The following TCF4 variants were observed in gnomAD, a reference collection of about 807,000 sequenced individuals.
TCF4 encodes transcription factor 4.
In TCF4, 3 loss-of-function variants were observed where a neutral mutation model predicts 82.1. The ratio of observed to expected loss-of-function variants is 0.04; its 90% CI spans 0.02 to 0.09. TCF4 has a LOEUF of 0.09. Ranked by LOEUF, TCF4 falls within the 10% of genes least tolerant of loss-of-function variation. The pLI is 1.00. For synonymous variants in TCF4, 276 were observed against 309.6 expected (o/e 0.89, Z 1.14); for missense variants, 518 against 852.7 (o/e 0.61, Z 4.89).
chr18:55,239,581 T>C (rs145332415), intron 15 of TCF4, among the ~76,000 whole-genome samples: 99 of 152,328 alleles, frequency 6.5e-4, no homozygotes, highest in Non-Finnish European at 1.1e-3. Context: ...CATATATAGA[T>C]AGAGGAAAAT....
chr18:55,575,228 C>T (rs2097517517), intron 3 of TCF4, among the ~76,000 whole-genome samples: 2 of 152,184 alleles, frequency 1.3e-5, no homozygotes, highest in South Asian at 4.1e-4. Flanking sequence ...TGAAGAATCA[C>T]AGTGGCCATA....
intron 6 of TCF4, among the ~76,000 whole-genome samples, chr18:55,379,855 AT>A (rs1424865046): frequency 7.2e-5 from 11 of 152,140 alleles, no homozygotes; most frequent in African/African-American, 2.2e-4. Context: ...GAATGGCTGG[AT>A]TCCAGACAAG....
intron 2 of TCF4, among the ~76,000 whole-genome samples, chr18:55,622,941 T>C (rs948478591): frequency 2.0e-5 from 3 of 151,638 alleles, no homozygotes; most frequent in African/African-American, 7.3e-5. Context: ...TGGGAAAATC[T>C]AACCAGACAC....
intron 8 of TCF4, chr18:55,322,195 A>G (rs1394135350): frequency 9.4e-7 from 1 of 1,059,178 alleles, no homozygotes; most frequent in Non-Finnish European, 1.1e-6. Context: ...AAAGTGGAAC[A>G]GGGTCCATTA....
intron 8 of TCF4, among the ~76,000 whole-genome samples, chr18:55,329,370 G>A (rs2077127392): frequency 6.6e-6 from 1 of 152,062 alleles, no homozygotes; most frequent in East Asian, 1.9e-4. Flanking sequence ...ACACAGACAC[G>A]ACCAGGAAGG....
intron 15 of TCF4, among the ~76,000 whole-genome samples, chr18:55,242,370 G>T (rs757388950): frequency 2.0e-5 from 3 of 150,616 alleles, no homozygotes; most frequent in Non-Finnish European, 4.5e-5. Context: ...CACTGCACGG[G>T]AGTGTAATAG....
At chr18:55,244,361 A>G (rs1337823686) in intron 15 of TCF4, among the ~76,000 whole-genome samples, 1 of 152,200 alleles carries the variant, frequency 6.6e-6, no homozygotes, top group Non-Finnish European at 1.5e-5. Flanking sequence ...GTGTTTAAAG[A>G]GGAAATTCAA....
intron 3 of TCF4, among the ~76,000 whole-genome samples, chr18:55,477,929 G>A (rs1023824818): frequency 2.0e-5 from 3 of 152,070 alleles, no homozygotes; most frequent in Admixed American, 6.5e-5. Context: ...GTGGAATACC[G>A]GTCAGAAAGA....
chr18:55,527,162 A>G (rs1190405376), intron 3 of TCF4, among the ~76,000 whole-genome samples: 2 of 152,180 alleles, frequency 1.3e-5, no homozygotes, highest in Non-Finnish European at 2.9e-5. Flanking sequence ...AGCCCACCAC[A>G]AAGGTCCCCT....
intron 6 of TCF4, among the ~76,000 whole-genome samples, chr18:55,356,767 A>C (rs1406065542): frequency 6.6e-6 from 1 of 152,202 alleles, no homozygotes; most frequent in African/African-American, 2.4e-5. Flanking sequence ...TTTTAAAAAA[A>C]ATCTTTTACT....
At chr18:55,510,813 A>G (rs2096820194) in intron 3 of TCF4, 3 of 1,147,482 alleles carry the variant, frequency 2.6e-6, no homozygotes, top group Admixed American at 4.5e-5. Flanking sequence ...CAGTCAGTAG[A>G]AGGGGAAATG....
At chr18:55,385,693 G>A (rs1478658409) in intron 6 of TCF4, among the ~76,000 whole-genome samples, 2 of 152,164 alleles carry the variant, frequency 1.3e-5, no homozygotes, top group Admixed American at 6.5e-5. Flanking sequence ...GAGCCACCGC[G>A]GCCAGGTAAA....
intron 2 of TCF4, among the ~76,000 whole-genome samples, chr18:55,629,792 C>G (rs549963270): frequency 6.6e-6 from 1 of 152,286 alleles, no homozygotes; most frequent in Non-Finnish European, 1.5e-5. Context: ...AAACTAAAGT[C>G]TTGAACCATG....
chr18:55,258,501 G>A (rs1331632904), intron 13 of TCF4, among the ~76,000 whole-genome samples: 1 of 152,026 alleles, frequency 6.6e-6, no homozygotes, highest in African/African-American at 2.4e-5. Context: ...GCAGAACTGT[G>A]AGCACCAGAT....
At chr18:55,475,963 T>G (rs1046390651) in intron 3 of TCF4, among the ~76,000 whole-genome samples, 7 of 152,188 alleles carry the variant, frequency 4.6e-5, no homozygotes, top group African/African-American at 1.4e-4. Context: ...ACTTGTGAAT[T>G]AATGCAATGT....
intron 8 of TCF4, among the ~76,000 whole-genome samples, chr18:55,342,856 C>T (rs1260260621): frequency 6.6e-6 from 1 of 152,132 alleles, no homozygotes; most frequent in Admixed American, 6.6e-5. Flanking sequence ...AACATTAATG[C>T]TAAGAATCTG....
In TCF4 at chr18:55,224,053, T is replaced by G. The variant is rs1451063181; in HGVS notation, c.*3982A>C. 1 of 81,162 alleles carries G rather than the reference T, an allele frequency of 1.2e-5. No homozygotes were observed. Among genetic ancestry groups the G allele is most frequent in the Non-Finnish European group, 3.0e-5 (1 of 33,668 alleles). 5.0% of individuals were successfully genotyped at this position (81,162 alleles called of 1,614,324 possible). A position where few individuals can be genotyped will look rare whatever the true frequency, so the allele number is the denominator to read the frequency against. On this transcript the variant is annotated 3_prime_UTR_variant, in exon 20 of 20. Coordinates refer to ENST00000354452, the MANE Select transcript of TCF4 (RefSeq NM_001083962.2). ...ATATATTTTTTATTTTTAAATTTAG[T>G]TTTTTTTTTTTCCTACTAGGGTGTA...
Position 55,222,795 on chromosome 18 carries a change from A to G in TCF4, c.*5240T>C, listed in dbSNP as rs576298143. On this transcript the variant is annotated 3_prime_UTR_variant, in exon 20 of 20. Coordinates refer to ENST00000354452, the MANE Select transcript of TCF4 (RefSeq NM_001083962.2). Reference sequence around the variant, plus strand: ...TATTAACTTACAGTACATAACACTGAATAATTTTAATCTGTACATTTTTTT... The same window carrying G: ...TATTAACTTACAGTACATAACACTGGATAATTTTAATCTGTACATTTTTTT... The G allele has an allele frequency of 8.5e-5, 13 of 152,790 alleles. No homozygotes were observed. Among genetic ancestry groups the G allele is most frequent in the Admixed American group, 3.3e-4 (5 of 15,292 alleles). 9.5% of individuals were successfully genotyped at this position (152,790 alleles called of 1,614,324 possible).
At chr18:55,385,203 C>A (rs2092477675) in intron 6 of TCF4, among the ~76,000 whole-genome samples, 1 of 152,096 alleles carries the variant, frequency 6.6e-6, no homozygotes, top group African/African-American at 2.4e-5. Context: ...AGCACAGAGA[C>A]AAAACAGCAT....
Sources: allele counts gnomAD v4.1 joint callset (sites outside exome capture counted in the v4.1 genomes callset), GRCh38; gene constraint gnomAD v4.1.1; transcripts MANE v1.5; gene names NCBI Gene and HGNC (gene_info 2026-07-23, HGNC 2026-07-21).